The following PAPPA variants were observed in gnomAD, a reference collection of about 807,000 sequenced individuals.
PAPPA encodes the protein pappalysin 1, also known as pappalysin-1.
In PAPPA, 60 loss-of-function variants were observed where a neutral mutation model predicts 164.0. That is an observed-to-expected ratio of 0.37 (90% confidence interval 0.30 to 0.45). The LOEUF is 0.45. PAPPA is among the 20% of genes least tolerant of loss of function. The pLI is 1.00. For synonymous variants in PAPPA, 875 were observed against 814.1 expected (o/e 1.07, Z -1.27); for missense variants, 1,782 against 2,087.3 (o/e 0.85, Z 2.85).
intron 14 of PAPPA, among the ~76,000 whole-genome samples, chr9:116,346,774 T>C (rs898601330): frequency 2.0e-5 from 3 of 152,204 alleles, no homozygotes; most frequent in African/African-American, 7.2e-5. Flanking sequence ...GTCCAACTTA[T>C]CCTTTTCCCA....
chr9:116,356,319 A>G (rs981976720), intron 17 of PAPPA, among the ~76,000 whole-genome samples: 2 of 152,122 alleles, frequency 1.3e-5, no homozygotes, highest in Non-Finnish European at 2.9e-5. Flanking sequence ...TTTGTTTGTG[A>G]AGGTTAAATG....
intron 10 of PAPPA, among the ~76,000 whole-genome samples, chr9:116,307,267 C>G (rs1410536919): frequency 6.6e-6 from 1 of 152,258 alleles, no homozygotes. Context: ...TTGCTATTAT[C>G]ATTCCTTGGC....
At chr9:116,220,771 A>G (rs778380582) in intron 5 of PAPPA, among the ~76,000 whole-genome samples, 13 of 151,708 alleles carry the variant, frequency 8.6e-5, no homozygotes, top group Non-Finnish European at 1.6e-4. Context: ...CTGTAATCCC[A>G]GCTACATGGG....
chr9:116,188,620 A>G (rs1844007332), intron 2 of PAPPA, among the ~76,000 whole-genome samples: 1 of 152,216 alleles, frequency 6.6e-6, no homozygotes, highest in Non-Finnish European at 1.5e-5. Flanking sequence ...ATAAAACTCA[A>G]AATTCAATTC....
chr9:116,290,392 T>C (rs952377280), intron 9 of PAPPA, among the ~76,000 whole-genome samples: 1 of 152,108 alleles, frequency 6.6e-6, no homozygotes, highest in Non-Finnish European at 1.5e-5. Flanking sequence ...GTTTCCCCTC[T>C]TAACTGAATA....
chr9:116,200,219 A>C (rs866580111), intron 2 of PAPPA, among the ~76,000 whole-genome samples: 1 of 151,900 alleles, frequency 6.6e-6, no homozygotes, highest in African/African-American at 2.4e-5. Flanking sequence ...CATTTTCTCT[A>C]TTTCCCACAC....
intron 10 of PAPPA, among the ~76,000 whole-genome samples, chr9:116,314,969 C>G (rs1043613625): frequency 1.1e-4 from 16 of 152,330 alleles, no homozygotes; most frequent in African/African-American, 3.4e-4. Context: ...CGATTTGGCC[C>G]TCATCTTATG....
At chr9:116,233,204 G>A (rs1256210894) in intron 6 of PAPPA, among the ~76,000 whole-genome samples, 9 of 152,248 alleles carry the variant, frequency 5.9e-5, no homozygotes, top group East Asian at 3.9e-4. Context: ...GCTACATGGC[G>A]TTGAGCGAAG....
At chr9:116,395,129 C>T (rs139971524) in intron 21 of PAPPA, among the ~76,000 whole-genome samples, 358 of 152,186 alleles carry the variant, frequency 2.4e-3, no homozygotes, top group African/African-American at 8.1e-3. Flanking sequence ...TTTATTTTTC[C>T]CATTAAATGA....
chr9:116,255,225 A>G (rs2118789110), intron 7 of PAPPA, among the ~76,000 whole-genome samples: 1 of 152,122 alleles, frequency 6.6e-6, no homozygotes, highest in South Asian at 2.1e-4. Context: ...AGTCAGCTCA[A>G]TGTCTTGGAA....
At chr9:116,251,262 A>G (rs995101922) in intron 7 of PAPPA, among the ~76,000 whole-genome samples, 3 of 152,128 alleles carry the variant, frequency 2.0e-5, no homozygotes, top group Non-Finnish European at 4.4e-5. Context: ...CCAAGTGCAC[A>G]TGGGTTTCAG....
In PAPPA at chr9:116,235,353, C is replaced by T. The variant is rs774362336; in HGVS notation, c.2448C>T (p.Ile816=). ...DWDSSGAVND[I]KLLAVSGKNI... ...ACTCTAGTGGAGCTGTCAATGACAT[C>T]AAACTGTTGGCTGTCAGTGGGAAGA... Residue 816 remains isoleucine, a synonymous_variant, in exon 7 of 22, where the codon ATC becomes ATT. Coordinates refer to ENST00000328252, the MANE Select transcript of PAPPA (RefSeq NM_002581.5). 1.2e-6 allele frequency: 2 copies of T among 1,614,008 alleles called. No individual in the cohort carries two copies. Among genetic ancestry groups the T allele is most frequent in the Non-Finnish European group, 1.7e-6 (2 of 1,179,950 alleles).
intron 7 of PAPPA, among the ~76,000 whole-genome samples, chr9:116,259,410 G>C (rs1013139920): frequency 2.6e-5 from 4 of 151,806 alleles, no homozygotes; most frequent in Non-Finnish European, 4.4e-5. Flanking sequence ...TAATTATAAA[G>C]AATTAATATC....
intron 17 of PAPPA, among the ~76,000 whole-genome samples, chr9:116,359,653 T>G (rs1260360463): frequency 6.6e-6 from 1 of 152,186 alleles, no homozygotes; most frequent in Non-Finnish European, 1.5e-5. Context: ...GCATCTAGTC[T>G]TAAAGAAGGA....
chr9:116,154,270 G>A lies in PAPPA; in HGVS notation c.98G>A (p.Arg33Gln), dbSNP rs763438393. The change falls in exon 1 of 22, where the codon CGG becomes CAG. Residue 33 changes from arginine (R) to glutamine (Q), a missense_variant. By Grantham distance (43) the Arg-to-Gln change is conservative (BLOSUM62 1). This residue lies in a region of PAPPA where 458 missense variants were observed against 430.3 expected (regional missense o/e 1.06). Transcript: ENST00000328252. The surrounding 1 kb of genome is among the most constrained non-coding windows in gnomAD (Gnocchi z 5.2). ...ERPRRARRDP[R>Q]AGRPPRPAAG... ...CCCCGCCGGGCCCGGAGAGACCCGC[G>A]GGCCGGCCGACCCCCGCGCCCCGCC... 9.2e-7 allele frequency: 1 copy of A among 1,085,192 alleles called. No individual in the cohort carries two copies. The highest frequency in any genetic ancestry group is 1.1e-6 in the Non-Finnish European group (1 of 895,424). 67.2% of individuals were successfully genotyped at this position (1,085,192 alleles called of 1,614,324 possible). A position where few individuals can be genotyped will look rare whatever the true frequency, so the allele number is the denominator to read the frequency against.
At chr9:116,352,330 T>C (rs1158684673) in intron 15 of PAPPA, among the ~76,000 whole-genome samples, 2 of 152,202 alleles carry the variant, frequency 1.3e-5, no homozygotes, top group Non-Finnish European at 2.9e-5. Flanking sequence ...GTGGGAGTTT[T>C]TGCTGCCAAG....
intron 4 of PAPPA, among the ~76,000 whole-genome samples, chr9:116,213,937 C>A (rs1844340464): frequency 6.6e-6 from 1 of 152,182 alleles, no homozygotes; most frequent in East Asian, 1.9e-4. Flanking sequence ...GAGAGCCATG[C>A]ATGGGAGCTC....
At chr9:116,335,209 T>A in intron 13 of PAPPA, 135 bp downstream of exon 13, 1 of 702,980 alleles carries the variant, frequency 1.4e-6, no homozygotes, top group Non-Finnish European at 2.4e-6. Context: ...TCCTCTGGCC[T>A]CTGGCCGGCT....
Position 116,347,231 on chromosome 9 carries a change from G to C in PAPPA, c.3964+22G>C, listed in dbSNP as rs1846223119. The C allele has an allele frequency of 6.3e-7, 1 of 1,583,972 alleles. No homozygotes were observed. Among genetic ancestry groups the C allele is most frequent in the East Asian group, 2.3e-5 (1 of 44,154 alleles). On this transcript the variant is annotated intron_variant, in intron 15 of 21. Transcript: ENST00000328252. The surrounding 1 kb of genome is among the most constrained non-coding windows in gnomAD (Gnocchi z 4.5). Reference sequence around the variant, plus strand: ...AAAGGTATCAAGAACGCCTTCCCCAGCTCAGCCTTCCTTTGTCTATGGGAA... The same window carrying C: ...AAAGGTATCAAGAACGCCTTCCCCACCTCAGCCTTCCTTTGTCTATGGGAA...
Sources: gnomAD v4.1 joint callset for allele counts (sites outside exome capture counted in the v4.1 genomes callset) on GRCh38, gnomAD v4.1.1 for gene constraint, gnomAD v4.1.1 regional missense constraint, Gnocchi (gnomAD v3.1) non-coding constraint, MANE v1.5 for transcripts, NCBI Gene and HGNC (gene_info 2026-07-23, HGNC 2026-07-21) for gene names.